Variants in SORCS3 observed in about 807,000 individuals in gnomAD.
SORCS3 encodes sortilin related VPS10 domain containing receptor 3.
In SORCS3, 57 loss-of-function variants were observed where a neutral mutation model predicts 146.3. The ratio of observed to expected loss-of-function variants is 0.39; its 90% CI spans 0.31 to 0.49. SORCS3 has a LOEUF of 0.49. SORCS3 is among the 20% of genes least tolerant of loss of function. SORCS3 has a pLI of 0.92. For synonymous variants in SORCS3, 653 were observed against 618.5 expected, an observed-to-expected ratio of 1.06 and a Z score of -0.83; for missense variants, 1,341 against 1,575.5, an observed-to-expected ratio of 0.85 and a Z score of 2.52.
intron 16 of SORCS3, among the ~76,000 whole-genome samples, chr10:105,210,602 G>C (rs1190646228): frequency 6.6e-6 from 1 of 152,096 alleles, no homozygotes; most frequent in Non-Finnish European, 1.5e-5. Flanking sequence ...TTTTATTATG[G>C]CTAGGATTTT....
intron 1 of SORCS3, among the ~76,000 whole-genome samples, chr10:104,759,137 T>G (rs553689411): frequency 6.6e-6 from 1 of 152,230 alleles, no homozygotes; most frequent in South Asian, 2.1e-4. Flanking sequence ...ATAGGGAGGA[T>G]GCCATGTGAA....
rs576241970 is a variant in SORCS3, at chr10:105,132,131, C to G, written c.1213-7266C>G. 2.6e-5 allele frequency among the ~76,000 whole-genome samples: 4 copies of G among 152,218 alleles called. No individual in the cohort carries two copies. In the South Asian group the frequency reaches 8.3e-4, roughly 32 times the overall value. On this transcript the variant is annotated intron_variant, in intron 7 of 26. Transcript: ENST00000369701. ...ATAAACTTGGGTTCAAATTCCAGCTCCACCATTTATTTGTTGTGTATCTTT... is the reference window on the plus strand; with the variant it reads ...ATAAACTTGGGTTCAAATTCCAGCTGCACCATTTATTTGTTGTGTATCTTT...
intron 14 of SORCS3, among the ~76,000 whole-genome samples, chr10:105,183,119 G>A (rs893935653): frequency 6.6e-6 from 1 of 152,210 alleles, no homozygotes; most frequent in African/African-American, 2.4e-5. Flanking sequence ...TTCCTGGTGG[G>A]TGGAACAGTG....
intron 20 of SORCS3, among the ~76,000 whole-genome samples, chr10:105,236,173 A>G (rs1330948659): frequency 6.6e-6 from 1 of 152,110 alleles, no homozygotes; most frequent in Non-Finnish European, 1.5e-5. Flanking sequence ...TCATTTAATA[A>G]AAGCCCTATT....
intron 1 of SORCS3, among the ~76,000 whole-genome samples, chr10:104,745,371 A>T (rs935089385): frequency 1.3e-5 from 2 of 152,230 alleles, no homozygotes; most frequent in Non-Finnish European, 2.9e-5. Flanking sequence ...ATTAGTATAT[A>T]CTTATATAGA....
At chr10:104,982,110 A>G (rs1201325390) in intron 4 of SORCS3, among the ~76,000 whole-genome samples, 4 of 152,178 alleles carry the variant, frequency 2.6e-5, no homozygotes, top group African/African-American at 7.2e-5. Context: ...GACAAGATCA[A>G]TAGTAGCTGA....
intron 9 of SORCS3, among the ~76,000 whole-genome samples, chr10:105,150,270 G>T (rs2056159233): frequency 6.6e-6 from 1 of 152,140 alleles, no homozygotes; most frequent in African/African-American, 2.4e-5. Context: ...GCACAAGGAA[G>T]TGGGATTGAT....
At chr10:104,668,999 G>A (rs2015818481) in intron 1 of SORCS3, among the ~76,000 whole-genome samples, 1 of 152,208 alleles carries the variant, frequency 6.6e-6, no homozygotes, top group Non-Finnish European at 1.5e-5. Flanking sequence ...ACATGTGTCT[G>A]TGTTGATATG....
intron 3 of SORCS3, among the ~76,000 whole-genome samples, chr10:104,972,254 T>C (rs1025275036): frequency 2.6e-5 from 4 of 152,196 alleles, no homozygotes; most frequent in African/African-American, 9.6e-5. Flanking sequence ...CAGGTTATTA[T>C]TGAGGAAGCT....
chr10:104,745,056 TA>T (rs1445510345), intron 1 of SORCS3, among the ~76,000 whole-genome samples: 1 of 152,238 alleles, frequency 6.6e-6, no homozygotes, highest in Non-Finnish European at 1.5e-5. Flanking sequence ...ATGGTTTGTT[TA>T]AAAAAGTTAA....
At chr10:104,952,254 T>TG (rs1554862339) in intron 3 of SORCS3, among the ~76,000 whole-genome samples, 4 of 38,222 alleles carry the variant, frequency 1.0e-4, no homozygotes, top group Non-Finnish European at 2.2e-4. Flanking sequence ...CATGAATGTT[T>TG]GAAAAAAAAA....
At chr10:105,122,275 C>A (rs1306968232) in intron 7 of SORCS3, among the ~76,000 whole-genome samples, 1 of 152,196 alleles carries the variant, frequency 6.6e-6, no homozygotes, top group Non-Finnish European at 1.5e-5. Flanking sequence ...CTGCCTATAA[C>A]TCTATGACCA....
chr10:105,211,174 G>T lies in SORCS3; in HGVS notation c.2299G>T (p.Val767Phe). The change falls in exon 17 of 27, where the codon GTC (valine) becomes TTC (phenylalanine). Residue 767 changes from valine to phenylalanine, a missense_variant. Transcript: ENST00000369701. Reference protein sequence around the residue: ...GYERHGESQCVPAFWYNPASP... With the variant: ...GYERHGESQCFPAFWYNPASP... Reference sequence around the variant, plus strand: ...TGAGAGACATGGGGAGAGCCAGTGTGTCCCAGCTTTCTGGTACAATCCAGC... The same window carrying T: ...TGAGAGACATGGGGAGAGCCAGTGTTTCCCAGCTTTCTGGTACAATCCAGC... 1 of 1,614,044 alleles carries T rather than the reference G, an allele frequency of 6.2e-7. No homozygotes were observed. The highest frequency in any genetic ancestry group is 8.5e-7 in the Non-Finnish European group (1 of 1,179,962).
chr10:105,164,338 G>T lies in SORCS3; in HGVS notation c.1768G>T (p.Gly590Cys), dbSNP rs772294355. The T allele has an allele frequency of 6.2e-7, 1 of 1,613,650 alleles. No individual in the cohort carries two copies. Among genetic ancestry groups the T allele is most frequent in the East Asian group, 2.2e-5 (1 of 44,850 alleles). Residue 590 changes from glycine to cysteine, a missense_variant, in exon 12 of 27, where the codon GGT becomes TGT. Coordinates refer to ENST00000369701, the MANE Select transcript of SORCS3 (RefSeq NM_014978.3). Reference protein sequence around the residue: ...IGPELSYTDIGVFISSDGGNT... With the variant: ...IGPELSYTDICVFISSDGGNT... Reference sequence around the variant, plus strand: ...CCCGGAGCTCTCATATACTGATATTGGTGTGTTCATCTCCTCCGATGGGGG... The same window carrying T: ...CCCGGAGCTCTCATATACTGATATTTGTGTGTTCATCTCCTCCGATGGGGG...
chr10:105,110,400 CCTTT>C (rs2055851758), intron 7 of SORCS3, among the ~76,000 whole-genome samples: 1 of 151,714 alleles, frequency 6.6e-6, no homozygotes, highest in Non-Finnish European at 1.5e-5. Flanking sequence ...TTTTCCTGTC[CCTTT>C]CTGTCTTTTA....
At chr10:104,643,601 C>T (rs1040469043) in intron 1 of SORCS3, among the ~76,000 whole-genome samples, 1 of 152,106 alleles carries the variant, frequency 6.6e-6, no homozygotes. Context: ...AAGTCCCTTC[C>T]AAGAGGACTT....
intron 20 of SORCS3, among the ~76,000 whole-genome samples, chr10:105,242,905 TTA>T (rs1306035243): frequency 1.6e-4 from 13 of 83,864 alleles, no homozygotes; most frequent in African/African-American, 3.5e-4. Context: ...GATATATAAA[TTA>T]TATATATAAT....
chr10:104,943,898 C>T (rs545236729), intron 3 of SORCS3, among the ~76,000 whole-genome samples: 250 of 152,096 alleles, frequency 1.6e-3, no homozygotes, highest in African/African-American at 5.9e-3. Context: ...GGAGTAGATC[C>T]ATATATATAC....
chr10:104,967,409 C>T (rs1487030984), intron 3 of SORCS3, among the ~76,000 whole-genome samples: 1 of 152,184 alleles, frequency 6.6e-6, no homozygotes, highest in African/African-American at 2.4e-5. Context: ...ACCCTCTTAA[C>T]CCACTTCCAC....
Sources: allele counts gnomAD v4.1 joint callset (sites outside exome capture counted in the v4.1 genomes callset), GRCh38; gene constraint gnomAD v4.1.1; transcripts MANE v1.5; gene names NCBI Gene and HGNC (gene_info 2026-07-23, HGNC 2026-07-21).